GPC6: variants seen among roughly 807,000 people sequenced by gnomAD.
The protein encoded by GPC6 is glypican 6.
Under a neutral mutation model 55.2 loss-of-function variants are expected in GPC6, and 14 were observed. That is an observed-to-expected ratio of 0.25 (90% CI 0.17 to 0.40). GPC6 has a LOEUF of 0.40. GPC6 is among the 10% of genes least tolerant of loss of function. The pLI is 1.00. For synonymous variants in GPC6, 278 were observed against 259.6 expected (o/e 1.07, Z -0.68); for missense variants, 641 against 708.5 (o/e 0.90, Z 1.08).
chr13:94,346,695 C>T (rs1251466511), intron 6 of GPC6, among the ~76,000 whole-genome samples: 4 of 144,660 alleles, frequency 2.8e-5, no homozygotes, highest in African/African-American at 7.7e-5. Flanking sequence ...CACTCCGGCC[C>T]GGGCAACAGA....
At chr13:93,534,681 A>G (rs1362112168) in intron 1 of GPC6, among the ~76,000 whole-genome samples, 1 of 152,178 alleles carries the variant, frequency 6.6e-6, no homozygotes, top group Non-Finnish European at 1.5e-5. Context: ...TTGGGAAAAT[A>G]TCTTGTGAAG....
chr13:93,391,757 T>C (rs1002940298), intron 1 of GPC6, among the ~76,000 whole-genome samples: 1 of 152,182 alleles, frequency 6.6e-6, no homozygotes, highest in African/African-American at 2.4e-5. Flanking sequence ...TGGCCTATAC[T>C]AAGGGGCACT....
chr13:94,228,030 G>A (rs572246656), intron 4 of GPC6, among the ~76,000 whole-genome samples: 5 of 152,190 alleles, frequency 3.3e-5, no homozygotes, highest in African/African-American at 1.2e-4. Context: ...GCACATAGCA[G>A]ATATGAAAGC....
At chr13:93,476,862 A>G (rs1226014285) in intron 1 of GPC6, among the ~76,000 whole-genome samples, 1 of 152,168 alleles carries the variant, frequency 6.6e-6, no homozygotes, top group East Asian at 1.9e-4. Flanking sequence ...TTAATATGTG[A>G]CTATGAAACA....
intron 3 of GPC6, among the ~76,000 whole-genome samples, chr13:93,951,053 A>G (rs950249850): frequency 6.6e-6 from 1 of 152,132 alleles, no homozygotes; most frequent in African/African-American, 2.4e-5. Flanking sequence ...TTCACAAATA[A>G]TATTTTGTCT....
intron 1 of GPC6, among the ~76,000 whole-genome samples, chr13:93,456,143 G>A (rs1878444688): frequency 6.6e-6 from 1 of 152,134 alleles, no homozygotes; most frequent in African/African-American, 2.4e-5. Flanking sequence ...GGAGATTAAT[G>A]TGCTGGTAAA....
rs143900687 is a variant in GPC6 at position 93,312,779 on chromosome 13, C to T, written c.160+85163C>T. Among the ~76,000 whole-genome samples the T allele has an allele frequency of 5.0e-3, 765 of 152,240 alleles. 6 individuals are homozygous for T. The highest frequency in any genetic ancestry group is 0.018 in the African/African-American group (734 of 41,560). ...AGAATACTGCAGAAACTCAATGGTTCTTTCTCATGCTGTGTGTGATTTTGC... is the reference window on the plus strand; with the variant it reads ...AGAATACTGCAGAAACTCAATGGTTTTTTCTCATGCTGTGTGTGATTTTGC... On this transcript the variant is annotated intron_variant, in intron 1 of 8. Transcript: ENST00000377047.
chr13:94,048,967 G>A (rs532484234), intron 4 of GPC6, among the ~76,000 whole-genome samples: 1 of 152,088 alleles, frequency 6.6e-6, no homozygotes, highest in Non-Finnish European at 1.5e-5. Flanking sequence ...TTGTCACCAT[G>A]TGCCATGGCT....
At chr13:94,114,667 T>C (rs936920644) in intron 4 of GPC6, among the ~76,000 whole-genome samples, 1 of 152,154 alleles carries the variant, frequency 6.6e-6, no homozygotes, top group Non-Finnish European at 1.5e-5. Flanking sequence ...ACTAACCAGC[T>C]ATATTACCAT....
At chr13:94,064,051 T>C (rs574901876) in intron 4 of GPC6, among the ~76,000 whole-genome samples, 2 of 152,228 alleles carry the variant, frequency 1.3e-5, no homozygotes, top group African/African-American at 4.8e-5. Flanking sequence ...GTCAAGTTAG[T>C]ATGGTTAGTA....
intron 1 of GPC6, among the ~76,000 whole-genome samples, chr13:93,344,708 A>G (rs944607842): frequency 2.0e-5 from 3 of 152,172 alleles, no homozygotes; most frequent in African/African-American, 7.2e-5. Context: ...CTTTTGTGCG[A>G]TATTTTCACC....
intron 1 of GPC6, among the ~76,000 whole-genome samples, chr13:93,241,920 T>C (rs1166865093): frequency 6.6e-6 from 1 of 152,162 alleles, no homozygotes; most frequent in Non-Finnish European, 1.5e-5. Flanking sequence ...GCAAAGACTC[T>C]GTGTAAGTTC....
intron 1 of GPC6, among the ~76,000 whole-genome samples, chr13:93,492,791 T>C (rs1184723945): frequency 6.6e-6 from 1 of 150,840 alleles, no homozygotes; most frequent in African/African-American, 2.4e-5. Flanking sequence ...ATGTGGTTTT[T>C]GTCTTTGGCT....
chr13:94,321,015 AGAT>A (rs1876794832), intron 6 of GPC6, among the ~76,000 whole-genome samples: 1 of 152,216 alleles, frequency 6.6e-6, no homozygotes. Flanking sequence ...TTCGCCAACC[AGAT>A]AATAACCCTA....
At chr13:93,699,549 GC>G (rs980495667) in intron 2 of GPC6, among the ~76,000 whole-genome samples, 1 of 151,986 alleles carries the variant, frequency 6.6e-6, no homozygotes, top group Non-Finnish European at 1.5e-5. Flanking sequence ...ATTTCCTTTT[GC>G]CCATATAAAT....
chr13:94,247,002 T>G (rs1035111401), intron 4 of GPC6, among the ~76,000 whole-genome samples: 1 of 152,116 alleles, frequency 6.6e-6, no homozygotes, highest in Admixed American at 6.6e-5. Flanking sequence ...CGAATATCTT[T>G]TCATTTATTT....
intron 2 of GPC6, among the ~76,000 whole-genome samples, chr13:93,560,626 C>A (rs113487551): frequency 0.034 from 5,197 of 152,034 alleles, 297 homozygotes; most frequent in African/African-American, 0.12. Flanking sequence ...GAGGCCAAGG[C>A]GGGCGGATCA....
At chr13:93,877,820 G>A (rs1423001611) in intron 3 of GPC6, among the ~76,000 whole-genome samples, 1 of 152,026 alleles carries the variant, frequency 6.6e-6, no homozygotes, top group East Asian at 1.9e-4. Context: ...AGTCTTATGT[G>A]ATAAAATCCT....
At position 94,242,691 on chromosome 13, in the gene GPC6, C is replaced by T. The variant is rs994678713; in HGVS notation, c.878-43658C>T. Reference sequence around the variant, plus strand: ...TCACAAAAGTAGCCATTAGTCAAGACTAAAATGAGTGAAATCTGGAAGGAG... The same window carrying T: ...TCACAAAAGTAGCCATTAGTCAAGATTAAAATGAGTGAAATCTGGAAGGAG... On this transcript the variant is annotated intron_variant, in intron 4 of 8. Transcript: ENST00000377047. Among the ~76,000 whole-genome samples the T allele has an allele frequency of 1.8e-4, 28 of 152,046 alleles. 1 individual carries two copies. The highest frequency in any genetic ancestry group is 1.5e-5 in the Non-Finnish European group (1 of 68,012).
Sources: gnomAD v4.1 joint callset for allele counts (sites outside exome capture counted in the v4.1 genomes callset) on GRCh38, gnomAD v4.1.1 for gene constraint, MANE v1.5 for transcripts, NCBI Gene and HGNC (gene_info 2026-07-23, HGNC 2026-07-21) for gene names.